The following PATL2 variants were observed in gnomAD, a reference collection of about 807,000 sequenced individuals.
The protein encoded by PATL2 is PAT1 homolog 2.
Under a neutral mutation model 77.0 loss-of-function variants are expected in PATL2, and 73 were observed. The ratio of observed to expected loss-of-function variants is 0.95; its 90% CI spans 0.78 to 1.15. PATL2 has a LOEUF of 1.15. PATL2 is among the 50% of genes most tolerant of loss of function. The pLI is 0.00. For synonymous variants in PATL2, 265 were observed against 257.1 expected (o/e 1.03, Z -0.29); for missense variants, 618 against 655.4 (o/e 0.94, Z 0.62).
intron 15 of PATL2, among the ~76,000 whole-genome samples, chr15:44,667,678 C>T (rs991681806): frequency 1.3e-5 from 2 of 152,330 alleles, no homozygotes; most frequent in Admixed American, 6.5e-5. Context: ...CGCAGTGGCT[C>T]ATGCCTGTAA....
chr15:44,675,592 T>TCTTCCTCCTCCTCCC lies in PATL2; in HGVS notation c.101_115dup (p.Gly34_Glu38dup), dbSNP rs1185824374. ...GTCCAGATCCTCCTCGTCCTCCTCC[T>TCTTCCTCCTCCTCCC]CTTCCTCCTCCTCCCCTTCATTCTC... On this transcript the variant is annotated inframe_insertion, in exon 5 of 18. Coordinates refer to ENST00000682850, the MANE Select transcript of PATL2 (RefSeq NM_001387263.1). 14 of 1,551,868 alleles carry TCTTCCTCCTCCTCCC rather than the reference T, an allele frequency of 9.0e-6. No individual in the cohort carries two copies. The African/African-American group carries it at 1.5e-4, about 17-fold the overall frequency.
chr15:44,681,211 G>A lies in PATL2; in HGVS notation c.-75-4646C>T, dbSNP rs56690866. Among the ~76,000 whole-genome samples the A allele has an allele frequency of 4.5e-3, 692 of 152,180 alleles. 4 individuals are homozygous for A. The highest frequency in any genetic ancestry group is 0.016 in the African/African-American group (646 of 41,514). On this transcript the variant is annotated intron_variant, in intron 3 of 17. Coordinates refer to ENST00000682850, the MANE Select transcript of PATL2 (RefSeq NM_001387263.1). ...TTTTTAAAATTTTTATAGAGATGGCGTCTCGCTTTTTTGCCCAGACTGGTC... is the reference window on the plus strand; with the variant it reads ...TTTTTAAAATTTTTATAGAGATGGCATCTCGCTTTTTTGCCCAGACTGGTC...
intron 3 of PATL2, among the ~76,000 whole-genome samples, chr15:44,709,690 T>TC (rs946401473): frequency 6.6e-6 from 1 of 152,058 alleles, no homozygotes; most frequent in Non-Finnish European, 1.5e-5. Context: ...ATACAGGTAT[T>TC]CCCCCCCAAA....
intron 3 of PATL2, among the ~76,000 whole-genome samples, chr15:44,684,990 C>G (rs2086221738): frequency 6.6e-6 from 1 of 152,156 alleles, no homozygotes; most frequent in African/African-American, 2.4e-5. Context: ...TCATATCCAG[C>G]CAAACTAAGC....
chr15:44,702,793 G>A (rs1459895309), intron 3 of PATL2, among the ~76,000 whole-genome samples: 2 of 151,960 alleles, frequency 1.3e-5, no homozygotes, highest in African/African-American at 4.8e-5. Flanking sequence ...TATTTGTATG[G>A]TTTCAAACAT....
intron 4 of PATL2, 180 bp downstream of exon 4, chr15:44,676,295 G>A (rs142567218): frequency 1.1e-5 from 7 of 628,302 alleles, no homozygotes; most frequent in African/African-American, 3.7e-5. Flanking sequence ...TACTAGGTTG[G>A]TGAGAAAAAT....
intron 9 of PATL2, among the ~76,000 whole-genome samples, chr15:44,670,317 C>T (rs2085609003): frequency 6.6e-6 from 1 of 152,128 alleles, no homozygotes; most frequent in Admixed American, 6.6e-5. Context: ...CTTCAGCCTC[C>T]TCAGTAGCTG....
At chr15:44,671,986 G>A (rs1236585712) in intron 9 of PATL2, 29 bp downstream of exon 9, 1 of 1,550,544 alleles carries the variant, frequency 6.4e-7, no homozygotes, top group Non-Finnish European at 8.7e-7. Context: ...CCCAAGGTCA[G>A]AGGCTGGGCT....
chr15:44,698,139 G>A (rs1595986708), intron 3 of PATL2, among the ~76,000 whole-genome samples: 1 of 150,206 alleles, frequency 6.7e-6, no homozygotes, highest in African/African-American at 2.4e-5. Context: ...GGGTGTGTGT[G>A]TATATATATA....
At chr15:44,672,554 G>C in intron 7 of PATL2, 98 bp from the exon 8 acceptor site, 1 of 1,214,854 alleles carries the variant, frequency 8.2e-7, no homozygotes, top group South Asian at 1.4e-5. Flanking sequence ...GGACATCTAA[G>C]GAACCTTATC....
At chr15:44,694,365 A>C (rs906583560) in intron 3 of PATL2, among the ~76,000 whole-genome samples, 3 of 152,216 alleles carry the variant, frequency 2.0e-5, no homozygotes, top group African/African-American at 7.2e-5. Flanking sequence ...ATTTGTGGCA[A>C]GTTGATCCAC....
intron 3 of PATL2, among the ~76,000 whole-genome samples, chr15:44,696,545 C>A (rs1479179999): frequency 2.0e-5 from 3 of 152,154 alleles, no homozygotes; most frequent in African/African-American, 7.2e-5. Flanking sequence ...TGATAGACTG[C>A]AATGGTTACA....
Position 44,666,509 on chromosome 15 carries a change from A to G in PATL2, c.1496T>C (p.Ile499Thr), listed in dbSNP as rs1433823884. 14 of 1,551,250 alleles carry G rather than the reference A, an allele frequency of 9.0e-6. No individual in the cohort carries two copies. Among genetic ancestry groups the G allele is most frequent in the African/African-American group, 1.4e-5 (1 of 73,046 alleles). The change falls in exon 17 of 18, where the codon ATA (isoleucine) becomes ACA (threonine). Residue 499 changes from isoleucine to threonine, a missense_variant. Coordinates refer to ENST00000682850, the MANE Select transcript of PATL2 (RefSeq NM_001387263.1). The part of the protein sequence containing the change: ...TDMVVLIAWE[I>T]AQMPTASLAE... ...CAGAGAGGCTGTAGGCATTTGGGCTATCTCCCAGGCAATCAGAACCACCAT... is the reference window on the plus strand; with the variant it reads ...CAGAGAGGCTGTAGGCATTTGGGCTGTCTCCCAGGCAATCAGAACCACCAT...
At chr15:44,676,005 G>C (rs985091694) in intron 4 of PATL2, 6 of 381,170 alleles carry the variant, frequency 1.6e-5, no homozygotes, top group Non-Finnish European at 2.4e-5. Flanking sequence ...AACACAGTGA[G>C]ACCCTGTCTC....
At chr15:44,701,594 G>C (rs2086630179) in intron 3 of PATL2, among the ~76,000 whole-genome samples, 1 of 151,154 alleles carries the variant, frequency 6.6e-6, no homozygotes, top group South Asian at 2.1e-4. Context: ...TACTCAGGAA[G>C]CTGAGGCATG....
At chr15:44,676,260 T>C (rs1221278321) in intron 4 of PATL2, 1 of 576,578 alleles carries the variant, frequency 1.7e-6, no homozygotes, top group Non-Finnish European at 3.1e-6. Flanking sequence ...AATATGAGGC[T>C]GTCCTGGGTT....
chr15:44,698,519 A>T (rs1204348830), intron 3 of PATL2, among the ~76,000 whole-genome samples: 2 of 152,084 alleles, frequency 1.3e-5, no homozygotes, highest in Non-Finnish European at 1.5e-5. Flanking sequence ...GGCTTACTTA[A>T]CATAATGACC....
intron 3 of PATL2, among the ~76,000 whole-genome samples, chr15:44,706,745 C>G (rs1394199113): frequency 6.6e-6 from 1 of 152,216 alleles, no homozygotes; most frequent in South Asian, 2.1e-4. Context: ...CCTATGGTAA[C>G]CACCGCCTGG....
chr15:44,677,046 C>T (rs1021788204), intron 3 of PATL2, among the ~76,000 whole-genome samples: 9 of 152,144 alleles, frequency 5.9e-5, no homozygotes, highest in East Asian at 3.9e-4. Flanking sequence ...ATTAAAAAAA[C>T]GCTTGAATGG....
Sources: gnomAD v4.1 joint callset for allele counts (sites outside exome capture counted in the v4.1 genomes callset) on GRCh38, gnomAD v4.1.1 for gene constraint, MANE v1.5 for transcripts, NCBI Gene and HGNC (gene_info 2026-07-23, HGNC 2026-07-21) for gene names.